Variants in PCDH9 observed in about 807,000 individuals in gnomAD.
PCDH9 encodes the protein protocadherin 9.
Under a neutral mutation model 70.6 loss-of-function variants are expected in PCDH9, and 24 were observed. That is an observed-to-expected ratio of 0.34 (90% CI 0.25 to 0.48). The LOEUF is 0.48. Ranked by LOEUF, PCDH9 falls within the 20% of genes least tolerant of loss-of-function variation. PCDH9 has a pLI of 0.99. For synonymous variants in PCDH9, 562 were observed against 558.5 expected (o/e 1.01, Z -0.09); for missense variants, 1,281 against 1,503.6 (o/e 0.85, Z 2.45).
chr13:66,818,612 A>G (rs999547154), intron 3 of PCDH9, among the ~76,000 whole-genome samples: 9 of 152,206 alleles, frequency 5.9e-5, no homozygotes, highest in Non-Finnish European at 1.3e-4. Flanking sequence ...AGCCAGAAAT[A>G]TAAGACAAAT....
chr13:67,131,622 AAT>A (rs2087113858), intron 2 of PCDH9, among the ~76,000 whole-genome samples: 1 of 152,140 alleles, frequency 6.6e-6, no homozygotes. Flanking sequence ...GCATTAATAC[AAT>A]TATGGGGGAG....
At chr13:66,907,593 T>C (rs1237633888) in intron 2 of PCDH9, among the ~76,000 whole-genome samples, 1 of 152,198 alleles carries the variant, frequency 6.6e-6, no homozygotes, top group Non-Finnish European at 1.5e-5. Flanking sequence ...ATCAGGTATT[T>C]TTACTCTTTC....
rs1261572625 is a variant in PCDH9, at chr13:66,999,514, G to A, written c.3037-95909C>T. On this transcript the variant is annotated intron_variant, in intron 2 of 4. Coordinates refer to ENST00000377865, the MANE Select transcript of PCDH9 (RefSeq NM_203487.3). Reference sequence around the variant, plus strand: ...AATTAAACTAAAGAGCTTCTGCACAGCAAAAGAAACTACCATCAGAGTGAA... The same window carrying A: ...AATTAAACTAAAGAGCTTCTGCACAACAAAAGAAACTACCATCAGAGTGAA... Among the ~76,000 whole-genome samples, 4 of 152,064 alleles carry A rather than the reference G, an allele frequency of 2.6e-5. No individual in the cohort carries two copies. In the East Asian group the frequency reaches 7.8e-4, roughly 29 times the overall value.
chr13:66,527,890 T>G (rs574423807), intron 4 of PCDH9, among the ~76,000 whole-genome samples: 1 of 152,124 alleles, frequency 6.6e-6, no homozygotes, highest in Admixed American at 6.6e-5. Context: ...TGGTTGTACA[T>G]GTCTGTAATC....
chr13:66,833,620 G>A (rs778535084), intron 3 of PCDH9, among the ~76,000 whole-genome samples: 1 of 152,146 alleles, frequency 6.6e-6, no homozygotes, highest in Non-Finnish European at 1.5e-5. Flanking sequence ...ACAAGGGCAT[G>A]TGATAGAAAC....
At chr13:66,357,757 TA>T (rs1288386258) in intron 4 of PCDH9, among the ~76,000 whole-genome samples, 1 of 152,188 alleles carries the variant, frequency 6.6e-6, no homozygotes, top group East Asian at 1.9e-4. Flanking sequence ...GATTAAAACC[TA>T]TGTGTGTGCT....
rs149768275 is a variant in PCDH9, at chr13:66,338,209, A to G, written c.3341-33181T>C. Among the ~76,000 whole-genome samples the G allele has an allele frequency of 7.8e-3, 1,190 of 152,154 alleles. 11 individuals carry two copies. Among genetic ancestry groups the G allele is most frequent in the Middle Eastern group, 0.034 (10 of 294 alleles). ...TACACAGAACATAGGTGTCCAATTA[A>G]CACATTCCCGCTCTTTCTTTTTCCT... On this transcript the variant is annotated intron_variant, in intron 4 of 4. Coordinates refer to ENST00000377865, the MANE Select transcript of PCDH9 (RefSeq NM_203487.3).
chr13:66,728,336 T>C (rs778130937), intron 3 of PCDH9, among the ~76,000 whole-genome samples: 2 of 152,180 alleles, frequency 1.3e-5, no homozygotes, highest in Non-Finnish European at 2.9e-5. Context: ...ACATATACAT[T>C]TTAATCTAGT....
intron 4 of PCDH9, among the ~76,000 whole-genome samples, chr13:66,376,385 T>C (rs113537204): frequency 1.5e-4 from 23 of 152,284 alleles, no homozygotes; most frequent in African/African-American, 5.1e-4. Flanking sequence ...TTCTCGAAAT[T>C]GATCTTAAAA....
At position 67,155,048 on chromosome 13, in the gene PCDH9, G is replaced by T. The variant is rs187621521; in HGVS notation, c.3036+70357C>A. On this transcript the variant is annotated intron_variant, in intron 2 of 4. Transcript: ENST00000377865. ...CACATTCTCTTACTGTGTTTCTTTT[G>T]TCAAAGGTGTTTTACTTTCTGTACA... Among the ~76,000 whole-genome samples, 270 of 152,016 alleles carry T rather than the reference G, an allele frequency of 1.8e-3. 3 individuals are homozygous for T. Among genetic ancestry groups the T allele is most frequent in the Middle Eastern group, 6.8e-3 (2 of 294 alleles).
intron 4 of PCDH9, among the ~76,000 whole-genome samples, chr13:66,590,860 C>G (rs932867618): frequency 1.3e-5 from 2 of 151,616 alleles, no homozygotes; most frequent in African/African-American, 4.8e-5. Flanking sequence ...TTGATTTATT[C>G]TCTTCTTTCA....
At chr13:67,208,741 A>G (rs998986079) in intron 2 of PCDH9, 1 of 152,204 alleles carries the variant, frequency 6.6e-6, no homozygotes, top group African/African-American at 2.4e-5. Flanking sequence ...GGAGCTGCCA[A>G]TACAGAAGGC....
intron 3 of PCDH9, among the ~76,000 whole-genome samples, chr13:66,762,143 G>A (rs1469941263): frequency 6.6e-6 from 1 of 152,022 alleles, no homozygotes; most frequent in African/African-American, 2.4e-5. Context: ...AACCACCATG[G>A]TTGGTGCAGT....
At chr13:66,669,280 C>T (rs1483173512) in intron 3 of PCDH9, among the ~76,000 whole-genome samples, 1 of 152,130 alleles carries the variant, frequency 6.6e-6, no homozygotes, top group Non-Finnish European at 1.5e-5. Flanking sequence ...TAAAAAATGT[C>T]TCATAGTAAC....
At chr13:66,929,601 G>C (rs1490946184) in intron 2 of PCDH9, among the ~76,000 whole-genome samples, 1 of 152,062 alleles carries the variant, frequency 6.6e-6, no homozygotes, top group African/African-American at 2.4e-5. Context: ...TGGGATTACA[G>C]GTGTGAGTTA....
At chr13:67,080,981 T>C (rs2085971533) in intron 2 of PCDH9, among the ~76,000 whole-genome samples, 1 of 152,260 alleles carries the variant, frequency 6.6e-6, no homozygotes, top group Non-Finnish European at 1.5e-5. Context: ...TAGCAACTTT[T>C]GGATTAGCAA....
At chr13:66,433,153 C>A (rs1025028816) in intron 4 of PCDH9, among the ~76,000 whole-genome samples, 5 of 151,942 alleles carry the variant, frequency 3.3e-5, no homozygotes, top group Non-Finnish European at 5.9e-5. Context: ...TTAATCAACA[C>A]ACTTATTAAA....
At chr13:66,873,892 T>C (rs2081744066) in intron 3 of PCDH9, among the ~76,000 whole-genome samples, 1 of 151,794 alleles carries the variant, frequency 6.6e-6, no homozygotes, top group East Asian at 1.9e-4. Flanking sequence ...ATCACATCAT[T>C]ACATTTCTTC....
intron 4 of PCDH9, among the ~76,000 whole-genome samples, chr13:66,542,813 A>G (rs940964521): frequency 1.4e-5 from 2 of 148,112 alleles, no homozygotes; most frequent in Non-Finnish European, 1.5e-5. Context: ...AAATATATAT[A>G]TCTATCTCCC....
Sources: gnomAD v4.1 joint callset for allele counts (sites outside exome capture counted in the v4.1 genomes callset) on GRCh38, gnomAD v4.1.1 for gene constraint, MANE v1.5 for transcripts, NCBI Gene and HGNC (gene_info 2026-07-23, HGNC 2026-07-21) for gene names.